The following TCF7L2 variants were observed in gnomAD, a reference collection of about 807,000 sequenced individuals.
TCF7L2 encodes transcription factor 7 like 2, also known as transcription factor 7-like 2.
A neutral mutation model predicts 77.9 loss-of-function variants in TCF7L2; 23 were observed. That is an observed-to-expected ratio of 0.30 (90% confidence interval 0.21 to 0.42). TCF7L2 has a LOEUF of 0.42. Ranked by LOEUF, TCF7L2 falls within the 10% of genes least tolerant of loss-of-function variation. The pLI is 1.00. For missense variants in TCF7L2, 654 were observed against 793.1 expected, an observed-to-expected ratio of 0.82 and a Z score of 2.11; for synonymous variants, 413 against 340.2, an observed-to-expected ratio of 1.21 and a Z score of -2.36.
chr10:113,040,204 CTTAT>C (rs1283001431), intron 5 of TCF7L2, 78 bp downstream of exon 5: 3 of 1,237,032 alleles, frequency 2.4e-6, no homozygotes, highest in African/African-American at 3.0e-5. Flanking sequence ...GATAACAGGC[CTTAT>C]TTGTCATTTT....
chr10:112,979,042 C>G (rs2039981680), intron 4 of TCF7L2, among the ~76,000 whole-genome samples: 1 of 152,110 alleles, frequency 6.6e-6, no homozygotes, highest in Non-Finnish European at 1.5e-5. Flanking sequence ...CTCCAACCCT[C>G]TTTTATGTGG....
chr10:112,982,785 C>T (rs980411574), intron 4 of TCF7L2, among the ~76,000 whole-genome samples: 18 of 152,064 alleles, frequency 1.2e-4, no homozygotes, highest in Non-Finnish European at 8.8e-5. Flanking sequence ...CTACCACGCC[C>T]GGCTAATTTT....
intron 4 of TCF7L2, among the ~76,000 whole-genome samples, chr10:113,005,141 T>G (rs1177616611): frequency 6.6e-6 from 1 of 152,210 alleles, no homozygotes; most frequent in Non-Finnish European, 1.5e-5. Context: ...ACAGGAATGA[T>G]GAATGCATGC....
chr10:112,957,111 A>G (rs2033827367), intron 3 of TCF7L2, among the ~76,000 whole-genome samples: 2 of 148,526 alleles, frequency 1.3e-5, no homozygotes, highest in African/African-American at 5.0e-5. Context: ...AAGTTGCTCT[A>G]GGTGTTTGCA....
At chr10:113,139,133 T>A (rs530200789) in intron 5 of TCF7L2, among the ~76,000 whole-genome samples, 1 of 152,336 alleles carries the variant, frequency 6.6e-6, no homozygotes, top group Non-Finnish European at 1.5e-5. Flanking sequence ...TTAAACTGTC[T>A]GGAGCTGGTC....
At position 113,166,929 on chromosome 10, in the gene TCF7L2, A is replaced by G. The variant is rs1054428094; in HGVS notation, c.*957A>G. Reference sequence around the variant, plus strand: ...TGCTTTAAAAGCCATTATGTAAAACAAGACTTGAAAATGAGTGAGGGAATT... The same window carrying G: ...TGCTTTAAAAGCCATTATGTAAAACGAGACTTGAAAATGAGTGAGGGAATT... On this transcript the variant is annotated 3_prime_UTR_variant, in exon 14 of 14. Coordinates refer to ENST00000627217, the MANE Select transcript of TCF7L2 (RefSeq NM_001146274.2). 5 of 230,920 alleles carry G rather than the reference A, an allele frequency of 2.2e-5. No homozygotes were observed. Among genetic ancestry groups the G allele is most frequent in the Non-Finnish European group, 4.3e-5 (5 of 116,708 alleles). The allele number at this position is 230,920 out of a possible 1,614,324, so 14.3% of individuals were successfully genotyped here. A position where few individuals can be genotyped will look rare whatever the true frequency, so the allele number is the denominator to read the frequency against.
intron 11 of TCF7L2, 151 bp downstream of exon 11, chr10:113,152,591 C>A: frequency 3.2e-6 from 2 of 621,696 alleles, no homozygotes; most frequent in Non-Finnish European, 2.8e-6. Flanking sequence ...CTTCCTGGAT[C>A]GCTAAACTGC....
intron 5 of TCF7L2, chr10:113,129,249 T>A: frequency 9.5e-6 from 9 of 946,562 alleles, no homozygotes; most frequent in Non-Finnish European, 1.1e-5. Flanking sequence ...GAAATTTGTT[T>A]TGAGGGATTT....
intron 5 of TCF7L2, among the ~76,000 whole-genome samples, chr10:113,087,008 A>G (rs1046654515): frequency 7.6e-5 from 11 of 144,660 alleles, no homozygotes; most frequent in East Asian, 3.9e-4. Flanking sequence ...ACACACAAGA[A>G]AAAAAAAAGG....
Position 113,054,758 on chromosome 10 carries a change from G to T in TCF7L2, c.552+14632G>T, listed in dbSNP as rs781110583. Among the ~76,000 whole-genome samples the T allele has an allele frequency of 2.0e-5, 3 of 152,004 alleles. 1 individual carries two copies. The South Asian group carries it at 6.2e-4, about 32-fold the overall frequency. On this transcript the variant is annotated intron_variant, in intron 5 of 13. Coordinates refer to ENST00000627217, the MANE Select transcript of TCF7L2 (RefSeq NM_001146274.2). ...CTTTTCGACATCTATTTATATTAAC[G>T]TATGTATTATAAATAATCTTAGTAG...
intron 6 of TCF7L2, among the ~76,000 whole-genome samples, chr10:113,142,444 A>G (rs962154801): frequency 6.6e-6 from 1 of 152,180 alleles, no homozygotes; most frequent in African/African-American, 2.4e-5. Flanking sequence ...GAGAACAGGT[A>G]AGGTTAGTGT....
chr10:113,052,617 C>T (rs1184403846), intron 5 of TCF7L2, among the ~76,000 whole-genome samples: 1 of 152,348 alleles, frequency 6.6e-6, no homozygotes, highest in South Asian at 2.1e-4. Context: ...TGGACTGTGG[C>T]TCAGCTGGCC....
At chr10:113,130,234 C>G (rs920043964) in intron 5 of TCF7L2, among the ~76,000 whole-genome samples, 4 of 152,178 alleles carry the variant, frequency 2.6e-5, no homozygotes, top group African/African-American at 9.7e-5. Flanking sequence ...GTCTCACTTT[C>G]ATCACAGTCC....
chr10:112,960,128 A>G (rs998860111), intron 3 of TCF7L2, among the ~76,000 whole-genome samples: 1 of 152,212 alleles, frequency 6.6e-6, no homozygotes, highest in East Asian at 1.9e-4. Context: ...TAGTGCTGGA[A>G]AAACCAACAG....
intron 5 of TCF7L2, among the ~76,000 whole-genome samples, chr10:113,119,888 ATG>A (rs1170317820): frequency 6.6e-6 from 1 of 152,208 alleles, no homozygotes; most frequent in Non-Finnish European, 1.5e-5. Context: ...GCCGCACAAA[ATG>A]TGGTCTCTAC....
At chr10:113,161,506 C>T in intron 13 of TCF7L2, 6 of 1,487,492 alleles carry the variant, frequency 4.0e-6, no homozygotes, top group Non-Finnish European at 5.4e-6. Flanking sequence ...TACCGACTAG[C>T]TCCTGTCTCA....
intron 5 of TCF7L2, among the ~76,000 whole-genome samples, chr10:113,135,880 G>A (rs1024007478): frequency 6.6e-6 from 1 of 151,086 alleles, no homozygotes; most frequent in African/African-American, 2.4e-5. Flanking sequence ...TGGTAGGTGG[G>A]AGTTTGAGGA....
Position 113,151,659 on chromosome 10 carries a change from C to T in TCF7L2, c.1002-66C>T, listed in dbSNP as rs2137145192. On this transcript the variant is annotated intron_variant, in intron 9 of 13. Coordinates refer to ENST00000627217, the MANE Select transcript of TCF7L2 (RefSeq NM_001146274.2). The surrounding 1 kb of genome is among the most constrained non-coding windows in gnomAD (Gnocchi z 5.2). Reference sequence around the variant, plus strand: ...GGTTATGAGACAAGGAGATACGTTCCCTGCCATGGAGGAAGTTGGACCACG... The same window carrying T: ...GGTTATGAGACAAGGAGATACGTTCTCTGCCATGGAGGAAGTTGGACCACG... 6.6e-7 allele frequency: 1 copy of T among 1,517,918 alleles called. No homozygotes were observed. The allele number at this position is 1,517,918 out of a possible 1,614,324, so 94.0% of individuals were successfully genotyped here.
In TCF7L2 at chr10:112,964,810, G is replaced by T. The variant is rs574675077; in HGVS notation, c.450+186G>T. Among the ~76,000 whole-genome samples, 1,008 of 119,928 alleles carry T rather than the reference G, an allele frequency of 8.4e-3. 40 individuals are homozygous for T. Among genetic ancestry groups the T allele is most frequent in the African/African-American group, 0.038 (969 of 25,202 alleles). The allele number at this position is 119,928 out of a possible 152,430, so 78.7% of individuals were successfully genotyped here. Reference sequence around the variant, plus strand: ...TGGTGGTGATGGTGGTGGTGGTGGTGGTGGGGGGGGGTTGAATCACTGGGG... The same window carrying T: ...TGGTGGTGATGGTGGTGGTGGTGGTTGTGGGGGGGGGTTGAATCACTGGGG... On this transcript the variant is annotated intron_variant, in intron 4 of 13. Transcript: ENST00000627217.
Sources: gnomAD v4.1 joint callset for allele counts (sites outside exome capture counted in the v4.1 genomes callset) on GRCh38, gnomAD v4.1.1 for gene constraint, Gnocchi (gnomAD v3.1) non-coding constraint, MANE v1.5 for transcripts, NCBI Gene and HGNC (gene_info 2026-07-23, HGNC 2026-07-21) for gene names.